The following DOCK9 variants were observed in gnomAD, a reference collection of about 807,000 sequenced individuals.
DOCK9 encodes dedicator of cytokinesis protein 9.
Under a neutral mutation model 263.3 loss-of-function variants are expected in DOCK9, and 89 were observed. That is an observed-to-expected ratio of 0.34 (90% CI 0.28 to 0.40). The LOEUF is 0.40. Ranked by LOEUF, DOCK9 falls within the 10% of genes least tolerant of loss-of-function variation. DOCK9 has a pLI of 1.00. For missense variants in DOCK9, 2,140 were observed against 2,603.4 expected, an observed-to-expected ratio of 0.82 and a Z score of 3.87; for synonymous variants, 976 against 973.1, an observed-to-expected ratio of 1.00 and a Z score of -0.06.
chr13:98,852,559 TAA>T (rs1432995350), intron 35 of DOCK9, among the ~76,000 whole-genome samples: 2 of 152,190 alleles, frequency 1.3e-5, no homozygotes, highest in Non-Finnish European at 2.9e-5. Context: ...CCCCCAGATA[TAA>T]GCAGCACAAG....
intron 10 of DOCK9, among the ~76,000 whole-genome samples, chr13:98,903,622 C>CAAAAAAAAAAAAAAAAAAAAAG (rs200600461): frequency 8.1e-6 from 1 of 124,172 alleles, no homozygotes; most frequent in Admixed American, 8.4e-5. Context: ...AAAAAAAAGA[C>CAAAAAAAAAAAAAAAAAAAAAG]AAAAAAAAAA....
Position 98,825,699 on chromosome 13 carries a change from G to A in DOCK9, c.5023+1131C>T, listed in dbSNP as rs927614485. On this transcript the variant is annotated intron_variant, in intron 44 of 52. Transcript: ENST00000682017. The surrounding 1 kb of genome is among the most constrained non-coding windows in gnomAD (Gnocchi z 4.1). ...TGGAATAACAAAAATGGTGGCCAAG[G>A]TGCTTTCCTCTTGTGCCCACAGGAA... 1.3e-5 allele frequency among the ~76,000 whole-genome samples: 2 copies of A among 150,498 alleles called. No individual in the cohort carries two copies. Among genetic ancestry groups the A allele is most frequent in the Non-Finnish European group, 3.0e-5 (2 of 67,452 alleles).
chr13:98,846,280 C>G (rs1336828153), intron 37 of DOCK9, among the ~76,000 whole-genome samples: 3 of 152,040 alleles, frequency 2.0e-5, no homozygotes, highest in Non-Finnish European at 2.9e-5. Flanking sequence ...AAGCAGGGAC[C>G]TTTTTATTTT....
At chr13:98,993,649 G>A (rs566404841) in intron 1 of DOCK9, among the ~76,000 whole-genome samples, 152 of 152,362 alleles carry the variant, frequency 1.0e-3, no homozygotes, top group Non-Finnish European at 1.9e-3. Flanking sequence ...GCTGAGGCAG[G>A]AGAATGGCGT....
chr13:98,974,174 G>C (rs946416373), intron 1 of DOCK9, among the ~76,000 whole-genome samples: 1 of 151,992 alleles, frequency 6.6e-6, no homozygotes, highest in Non-Finnish European at 1.5e-5. Flanking sequence ...GGGGGGTGGC[G>C]GGTAGGGGGT....
intron 1 of DOCK9, among the ~76,000 whole-genome samples, chr13:99,004,933 A>C (rs1883048081): frequency 6.6e-6 from 1 of 152,222 alleles, no homozygotes; most frequent in Non-Finnish European, 1.5e-5. Context: ...GTATAAAAGG[A>C]AAACCAGAAT....
chr13:98,972,761 C>G (rs1359639404), intron 1 of DOCK9, among the ~76,000 whole-genome samples: 1 of 152,188 alleles, frequency 6.6e-6, no homozygotes, highest in African/African-American at 2.4e-5. Flanking sequence ...TGTTGTCTGC[C>G]TAAGTGTCTA....
At chr13:98,848,401 G>T (rs2093455641) in intron 37 of DOCK9, among the ~76,000 whole-genome samples, 191 bp downstream of exon 37, 1 of 152,080 alleles carries the variant, frequency 6.6e-6, no homozygotes, top group Non-Finnish European at 1.5e-5. Flanking sequence ...GGTGAAATGA[G>T]ACTTCGCCGG....
intron 1 of DOCK9, among the ~76,000 whole-genome samples, chr13:99,073,564 A>T (rs1460682811): frequency 1.3e-5 from 2 of 152,184 alleles, no homozygotes. Context: ...TACAATGAAC[A>T]GACTGGCAGC....
intron 6 of DOCK9, among the ~76,000 whole-genome samples, chr13:98,921,495 T>C (rs2051983123): frequency 6.6e-6 from 1 of 152,118 alleles, no homozygotes; most frequent in African/African-American, 2.4e-5. Context: ...GTAATGACAG[T>C]CACATTTCCT....
intron 27 of DOCK9, among the ~76,000 whole-genome samples, chr13:98,870,742 C>T (rs1397471682): frequency 3.3e-5 from 5 of 152,032 alleles, no homozygotes; most frequent in Admixed American, 6.6e-5. Context: ...AAAATCAAAC[C>T]TGAATCAAAT....
intron 1 of DOCK9, among the ~76,000 whole-genome samples, chr13:99,047,474 A>G (rs2040488082): frequency 6.6e-6 from 1 of 151,754 alleles, no homozygotes; most frequent in African/African-American, 2.4e-5. Flanking sequence ...TTGTCTGAAA[A>G]TAATGAAAGT....
chr13:98,827,052 C>T (rs2092571591), intron 43 of DOCK9, among the ~76,000 whole-genome samples, 165 bp from the exon 44 acceptor site: 1 of 152,194 alleles, frequency 6.6e-6, no homozygotes, highest in Non-Finnish European at 1.5e-5. Context: ...AGAGTGGAAT[C>T]ACTCACATAA....
intron 1 of DOCK9, chr13:99,015,494 A>T (rs1165767530): frequency 6.3e-7 from 1 of 1,597,874 alleles, no homozygotes; most frequent in Non-Finnish European, 8.5e-7. Flanking sequence ...GTCCAATTGT[A>T]TGCTGTATAT....
At chr13:98,807,028 G>A (rs1166719990) in intron 48 of DOCK9, among the ~76,000 whole-genome samples, 2 of 152,176 alleles carry the variant, frequency 1.3e-5, no homozygotes, top group Non-Finnish European at 2.9e-5. Flanking sequence ...AAAGGCAGTG[G>A]GAGTGAAACC....
chr13:99,086,143 C>G, intron 1 of DOCK9: 8 of 1,391,906 alleles, frequency 5.7e-6, no homozygotes, highest in Non-Finnish European at 7.4e-6. Context: ...GCCCTGCCGA[C>G]TAAGAGGCGC....
At chr13:98,981,376 T>G (rs1864313597), upstream of DOCK9, among the ~76,000 whole-genome samples, 1 of 152,232 alleles carries the variant, frequency 6.6e-6, no homozygotes, top group South Asian at 2.1e-4. Flanking sequence ...AAAAATTTTT[T>G]TAAATGCCTC....
chr13:99,014,546 G>A (rs1319794394), intron 1 of DOCK9, among the ~76,000 whole-genome samples: 1 of 152,166 alleles, frequency 6.6e-6, no homozygotes, highest in Non-Finnish European at 1.5e-5. Flanking sequence ...AAGGGCATAT[G>A]GCATGCCAAT....
rs201880237 is a variant in DOCK9, at chr13:98,999,286, A to ACG, written c.130-43737_130-43736dup. On this transcript the variant is annotated intron_variant, in intron 1 of 32. Coordinates refer to the DOCK9 transcript ENST00000427887. ...TATGAACAGATGTGTGCACGCATGC[A>ACG]CGCGCACACACACACACACACACAC... Among the ~76,000 whole-genome samples the ACG allele has an allele frequency of 3.6e-3, 432 of 120,694 alleles. 7 individuals carry two copies. In the South Asian group the frequency reaches 0.044, roughly 12 times the overall value. The allele number at this position is 120,694 out of a possible 152,430, so 79.2% of individuals were successfully genotyped here. A position where few individuals can be genotyped will look rare whatever the true frequency, so the allele number is the denominator to read the frequency against.
Sources: gnomAD v4.1 joint callset for allele counts (sites outside exome capture counted in the v4.1 genomes callset) on GRCh38, gnomAD v4.1.1 for gene constraint, Gnocchi (gnomAD v3.1) non-coding constraint, MANE v1.5 for transcripts, NCBI Gene and HGNC (gene_info 2026-07-23, HGNC 2026-07-21) for gene names.